The following PIBF1 variants were observed in gnomAD, a reference collection of about 807,000 sequenced individuals.
PIBF1 encodes progesterone immunomodulatory binding factor 1.
PIBF1 carries 90 observed loss-of-function variants against 112.5 expected under a neutral mutation model. That is an observed-to-expected ratio of 0.80 (90% CI 0.67 to 0.95). The LOEUF is 0.95. Ranked by LOEUF, PIBF1 falls within the 40% of genes least tolerant of loss-of-function variation. The pLI, the probability that PIBF1 is intolerant of heterozygous loss-of-function variation, is 0.00. For synonymous variants in PIBF1, 301 were observed against 288.6 expected (o/e 1.04, Z -0.44); for missense variants, 915 against 852.3 (o/e 1.07, Z -0.92).
chr13:72,893,116 C>G (rs1235989871), intron 10 of PIBF1, among the ~76,000 whole-genome samples: 5 of 152,010 alleles, frequency 3.3e-5, no homozygotes, highest in Admixed American at 3.3e-4. Context: ...TTTTGCTTTT[C>G]TGTTAGAACA....
At chr13:72,996,090 G>C (rs1023284442) in intron 16 of PIBF1, among the ~76,000 whole-genome samples, 5 of 123,664 alleles carry the variant, frequency 4.0e-5, no homozygotes, top group Non-Finnish European at 8.5e-5. Context: ...AAAAAAGCGG[G>C]GGGGGGGGGT....
chr13:73,004,884 T>C (rs1370006497), intron 17 of PIBF1, among the ~76,000 whole-genome samples: 1 of 152,106 alleles, frequency 6.6e-6, no homozygotes, highest in Admixed American at 6.6e-5. Flanking sequence ...ACCACTGATA[T>C]GTACATTTAA....
intron 2 of PIBF1, among the ~76,000 whole-genome samples, chr13:72,787,318 C>T (rs554311995): frequency 1.3e-5 from 2 of 152,260 alleles, no homozygotes; most frequent in Admixed American, 1.3e-4. Context: ...GTGTGAAGCA[C>T]TCCAGATGAA....
intron 9 of PIBF1, among the ~76,000 whole-genome samples, chr13:72,844,699 A>C (rs147050610): frequency 1.6e-3 from 230 of 147,508 alleles, no homozygotes; most frequent in African/African-American, 5.7e-3. Flanking sequence ...GGATCATTAG[A>C]GCTTTATAAA....
intron 16 of PIBF1, among the ~76,000 whole-genome samples, chr13:72,976,757 C>T (rs2043032499): frequency 6.6e-6 from 1 of 152,180 alleles, no homozygotes; most frequent in African/African-American, 2.4e-5. Context: ...TGGCCATTCA[C>T]TTGAACATTT....
intron 14 of PIBF1, among the ~76,000 whole-genome samples, chr13:72,950,784 C>T (rs1189428230): frequency 6.6e-6 from 1 of 152,138 alleles, no homozygotes; most frequent in South Asian, 2.1e-4. Flanking sequence ...CTTTGGTGCT[C>T]ATACTGGAGT....
chr13:73,002,134 A>G (rs1445478050), intron 17 of PIBF1, among the ~76,000 whole-genome samples: 1 of 152,168 alleles, frequency 6.6e-6, no homozygotes, highest in Non-Finnish European at 1.5e-5. Flanking sequence ...CAGAAACTGT[A>G]TTCCTTTTGT....
At chr13:72,933,388 G>A (rs1278600723) in intron 14 of PIBF1, among the ~76,000 whole-genome samples, 1 of 152,188 alleles carries the variant, frequency 6.6e-6, no homozygotes, top group Admixed American at 6.5e-5. Flanking sequence ...GAAGCCGGGT[G>A]CACTGGCTCA....
At chr13:73,003,856 C>T (rs931276514) in intron 17 of PIBF1, among the ~76,000 whole-genome samples, 2 of 152,010 alleles carry the variant, frequency 1.3e-5, no homozygotes, top group African/African-American at 4.8e-5. Flanking sequence ...ACCACATGTG[C>T]ACACCACCAC....
chr13:72,866,527 A>G (rs2038934829), intron 10 of PIBF1, among the ~76,000 whole-genome samples: 1 of 152,164 alleles, frequency 6.6e-6, no homozygotes, highest in Admixed American at 6.6e-5. Context: ...GAGATTCTAG[A>G]ATCTGCCATT....
chr13:72,861,533 G>A (rs2038698981), intron 10 of PIBF1, among the ~76,000 whole-genome samples: 1 of 152,052 alleles, frequency 6.6e-6, no homozygotes, highest in Admixed American at 6.6e-5. Context: ...AAAGAAATCA[G>A]CTGTCCTAAA....
intron 14 of PIBF1, among the ~76,000 whole-genome samples, chr13:72,940,884 T>C (rs1320757251): frequency 1.3e-5 from 2 of 152,230 alleles, no homozygotes; most frequent in South Asian, 2.1e-4. Flanking sequence ...TTCTGTCTCC[T>C]GTCTTTATAC....
chr13:72,905,618 A>G (rs2040675779), intron 11 of PIBF1, among the ~76,000 whole-genome samples: 2 of 152,206 alleles, frequency 1.3e-5, no homozygotes, highest in Non-Finnish European at 2.9e-5. Flanking sequence ...TACTTTCTTC[A>G]GGAAAATGCT....
rs774243503 is a variant in PIBF1 at position 72,783,434 on chromosome 13, C to T, written c.-36C>T. 8.6e-6 allele frequency: 12 copies of T among 1,399,878 alleles called. No individual in the cohort carries two copies. The highest frequency in any genetic ancestry group is 1.2e-5 in the Non-Finnish European group (12 of 1,009,758). 86.7% of individuals were successfully genotyped at this position (1,399,878 alleles called of 1,614,324 possible). On this transcript the variant is annotated 5_prime_UTR_variant, in exon 2 of 18. Transcript: ENST00000326291. ...TTTTTAACCTACAGAATATTAAAAT[C>T]AAATTAGAGAAGAAAACTGATCCAT... is the stretch of plus-strand genomic sequence containing the variant.
At chr13:72,848,075 T>TG (rs1207145024) in intron 9 of PIBF1, among the ~76,000 whole-genome samples, 1 of 152,244 alleles carries the variant, frequency 6.6e-6, no homozygotes, top group Non-Finnish European at 1.5e-5. Flanking sequence ...ATTGCTTAGT[T>TG]GCGCCTGCTG....
intron 10 of PIBF1, 54 bp downstream of exon 10, chr13:72,854,209 C>G (rs2038307783): frequency 8.8e-7 from 1 of 1,132,232 alleles, no homozygotes; most frequent in East Asian, 2.4e-5. Context: ...GTTTCTGTTA[C>G]ATATTCTTTT....
chr13:72,886,754 A>G (rs1247940572), intron 10 of PIBF1, among the ~76,000 whole-genome samples: 1 of 152,038 alleles, frequency 6.6e-6, no homozygotes, highest in Admixed American at 6.6e-5. Context: ...TAACTCAGCA[A>G]AAAAAGACCT....
At position 72,842,540 on chromosome 13, in the gene PIBF1, G is replaced by A. The variant is rs546022090; in HGVS notation, c.1223+7172G>A. Among the ~76,000 whole-genome samples, 9 of 152,222 alleles carry A rather than the reference G, an allele frequency of 5.9e-5. No individual in the cohort carries two copies. The South Asian group carries it at 1.2e-3, about 21-fold the overall frequency. On this transcript the variant is annotated intron_variant, in intron 9 of 17. Transcript: ENST00000326291. ...ATGATATAAACTTGAAATTTATGTA[G>A]AATCTTAGAGTGATATTAAACAACT...
At chr13:72,842,882 T>C (rs1188545730) in intron 9 of PIBF1, among the ~76,000 whole-genome samples, 8 of 152,258 alleles carry the variant, frequency 5.3e-5, no homozygotes, top group Admixed American at 5.2e-4. Context: ...CAGTTATCTT[T>C]TATTGTTAAC....
Sources: allele counts gnomAD v4.1 joint callset (sites outside exome capture counted in the v4.1 genomes callset), GRCh38; gene constraint gnomAD v4.1.1; transcripts MANE v1.5; gene names NCBI Gene and HGNC (gene_info 2026-07-23, HGNC 2026-07-21).